NCAM1: variants seen among roughly 807,000 people sequenced by gnomAD.
NCAM1 encodes neural cell adhesion molecule 1, also known as antigen recognized by monoclonal antibody 5.1H11.
In NCAM1, 14 loss-of-function variants were observed where a neutral mutation model predicts 109.8. The observed-to-expected ratio is 0.13, with a 90% CI of 0.08 to 0.20. NCAM1 has a LOEUF of 0.20. Among genes scored for constraint, NCAM1 ranks in the 10% least tolerant of loss-of-function variants. The pLI, the probability that NCAM1 is intolerant of heterozygous loss-of-function variation, is 1.00. For synonymous variants in NCAM1, 418 were observed against 442.9 expected (o/e 0.94, Z 0.70); for missense variants, 774 against 1,109.9 (o/e 0.70, Z 4.30).
At chr11:113,186,296 G>A (rs782112989) in intron 1 of NCAM1, among the ~76,000 whole-genome samples, 1 of 152,140 alleles carries the variant, frequency 6.6e-6, no homozygotes, top group African/African-American at 2.4e-5. Context: ...AAGTGCGTGC[G>A]AGGGTTCTAG....
At chr11:113,252,798 G>GGTTT (rs1565531031) in intron 15 of NCAM1, among the ~76,000 whole-genome samples, 1 of 44,782 alleles carries the variant, frequency 2.2e-5, no homozygotes. Flanking sequence ...ACTATGCCCA[G>GGTTT]CTTTTTTTTT....
At chr11:113,146,747 C>T (rs1181679415) in intron 1 of NCAM1, among the ~76,000 whole-genome samples, 5 of 152,118 alleles carry the variant, frequency 3.3e-5, no homozygotes, top group Non-Finnish European at 7.3e-5. Flanking sequence ...CAAGGCCTAG[C>T]GAAGGCTTTG....
chr11:113,236,266 TC>T, intron 14 of NCAM1: 2 of 1,612,498 alleles, frequency 1.2e-6, no homozygotes, highest in Non-Finnish European at 1.7e-6. Flanking sequence ...TCTTGTTTTT[TC>T]TTTTCGTCTG....
At chr11:113,259,125 C>T (rs929371432) in intron 16 of NCAM1, among the ~76,000 whole-genome samples, 3 of 148,596 alleles carry the variant, frequency 2.0e-5, no homozygotes, top group Non-Finnish European at 3.0e-5. Flanking sequence ...GATCTCGGCT[C>T]GCTGCAAGCT....
intron 1 of NCAM1, among the ~76,000 whole-genome samples, chr11:113,187,171 C>T (rs115183674): frequency 0.012 from 1,754 of 152,318 alleles, 23 homozygotes; most frequent in African/African-American, 0.04. Context: ...TCGTGTTTGA[C>T]TGCAGCAGAT....
intron 1 of NCAM1, among the ~76,000 whole-genome samples, chr11:113,160,214 C>T (rs568880189): frequency 6.6e-6 from 1 of 152,202 alleles, no homozygotes; most frequent in South Asian, 2.1e-4. Context: ...TCTTTGAACA[C>T]CAAGCTTAGG....
chr11:112,972,645 G>A (rs1163069481), intron 1 of NCAM1, among the ~76,000 whole-genome samples: 2 of 152,112 alleles, frequency 1.3e-5, no homozygotes, highest in Non-Finnish European at 2.9e-5. Flanking sequence ...ATATTGCTTT[G>A]CAAAACAAAT....
chr11:113,211,929 T>G (rs1464840947), intron 7 of NCAM1, among the ~76,000 whole-genome samples: 2 of 152,096 alleles, frequency 1.3e-5, no homozygotes, highest in African/African-American at 4.8e-5. Flanking sequence ...CTAAGGCCCA[T>G]GGAGGCAGGT....
chr11:113,183,700 G>A (rs1943400118), intron 1 of NCAM1, among the ~76,000 whole-genome samples: 1 of 152,118 alleles, frequency 6.6e-6, no homozygotes, highest in South Asian at 2.1e-4. Context: ...TATTTAACCA[G>A]CTAGAACTCG....
At chr11:112,991,508 G>GA (rs78099423) in intron 1 of NCAM1, among the ~76,000 whole-genome samples, 67,355 of 149,218 alleles carry the variant, frequency 0.45, 15,799 homozygotes, top group East Asian at 0.8. Flanking sequence ...GGCCTGAAAA[G>GA]AAAAAAAAAA....
chr11:113,201,151 T>C (rs1490311102), intron 1 of NCAM1, among the ~76,000 whole-genome samples: 2 of 152,142 alleles, frequency 1.3e-5, no homozygotes, highest in Admixed American at 6.5e-5. Context: ...GTTGCTGGCA[T>C]GGTTAGGAAG....
chr11:113,217,332 C>T (rs1944559124), intron 8 of NCAM1, among the ~76,000 whole-genome samples: 1 of 152,190 alleles, frequency 6.6e-6, no homozygotes, highest in Non-Finnish European at 1.5e-5. Flanking sequence ...TAGCCTCTGC[C>T]ACTCAGTCCT....
rs1405161502 is a variant in NCAM1 at position 113,140,802 on chromosome 11, G to A, written c.53-61577G>A. 2.6e-5 allele frequency among the ~76,000 whole-genome samples: 4 copies of A among 152,228 alleles called. No homozygotes were observed. In the East Asian group the frequency reaches 7.7e-4, roughly 29 times the overall value. On this transcript the variant is annotated intron_variant, in intron 1 of 19. Transcript: ENST00000316851. ...GTATTTATTGTTTTATAAATTATAT[G>A]TATGTGTCATTAGCTAATACCTCAA...
At chr11:113,223,044 A>G (rs1299113572) in intron 9 of NCAM1, among the ~76,000 whole-genome samples, 1 of 152,208 alleles carries the variant, frequency 6.6e-6, no homozygotes, top group Non-Finnish European at 1.5e-5. Context: ...AGGGAGACAA[A>G]AACATTTTGA....
intron 9 of NCAM1, among the ~76,000 whole-genome samples, chr11:113,230,092 A>G (rs192184252): frequency 4.9e-4 from 74 of 152,262 alleles, no homozygotes; most frequent in Admixed American, 9.2e-4. Context: ...TTAAAAAAAA[A>G]AAGAAAAAGA....
chr11:113,122,214 G>T (rs1347467297), intron 1 of NCAM1, among the ~76,000 whole-genome samples: 1 of 152,192 alleles, frequency 6.6e-6, no homozygotes, highest in Non-Finnish European at 1.5e-5. Flanking sequence ...CTTTCAGAAA[G>T]AAGTTATTTA....
At chr11:113,168,821 AGC>A (rs1324229359) in intron 1 of NCAM1, among the ~76,000 whole-genome samples, 1 of 152,166 alleles carries the variant, frequency 6.6e-6, no homozygotes, top group Non-Finnish European at 1.5e-5. Flanking sequence ...GGAAATGTTT[AGC>A]TTGTGTGGGG....
At chr11:113,048,447 A>G (rs889140759) in intron 1 of NCAM1, among the ~76,000 whole-genome samples, 17 of 152,250 alleles carry the variant, frequency 1.1e-4, no homozygotes, top group African/African-American at 4.1e-4. Context: ...CAGAAGATAA[A>G]CTGCTACCTG....
chr11:113,264,600 C>A lies in NCAM1; in HGVS notation c.2131+4277C>A, dbSNP rs373825964. 6 of 985,486 alleles carry A rather than the reference C, an allele frequency of 6.1e-6. No homozygotes were observed. In the South Asian group the frequency reaches 2.8e-4, roughly 46 times the overall value. 61.0% of individuals were successfully genotyped at this position (985,486 alleles called of 1,614,324 possible). On this transcript the variant is annotated intron_variant, in intron 17 of 19. Coordinates refer to ENST00000316851, the MANE Select transcript of NCAM1 (RefSeq NM_181351.5). ...AGGATCACCTTGGGCAGAAGTCACA[C>A]GGCTTCATCCTAGGAGGGCCCAGCT...
Sources: allele counts gnomAD v4.1 joint callset (sites outside exome capture counted in the v4.1 genomes callset), GRCh38; gene constraint gnomAD v4.1.1; transcripts MANE v1.5; gene names NCBI Gene and HGNC (gene_info 2026-07-23, HGNC 2026-07-21).